SPOCK1: variants seen among roughly 807,000 people sequenced by gnomAD.
SPOCK1 encodes testican-1.
In SPOCK1, 23 loss-of-function variants were observed where a neutral mutation model predicts 55.3. That is an observed-to-expected ratio of 0.42 (90% CI 0.30 to 0.59). The LOEUF is 0.59. Among genes scored for constraint, SPOCK1 ranks in the 20% least tolerant of loss-of-function variants. The pLI, the probability that SPOCK1 is intolerant of heterozygous loss-of-function variation, is 0.22. For missense variants in SPOCK1, 499 were observed against 552.5 expected, an observed-to-expected ratio of 0.90 and a Z score of 0.97; for synonymous variants, 226 against 221.0, an observed-to-expected ratio of 1.02 and a Z score of -0.20.
chr5:137,251,751 G>A (rs897215300), intron 3 of SPOCK1, among the ~76,000 whole-genome samples: 1 of 152,108 alleles, frequency 6.6e-6, no homozygotes, highest in Non-Finnish European at 1.5e-5. Flanking sequence ...TAGATAGACA[G>A]CATAAAAAAA....
At chr5:137,311,689 T>C (rs1050461244) in intron 2 of SPOCK1, among the ~76,000 whole-genome samples, 3 of 152,246 alleles carry the variant, frequency 2.0e-5, no homozygotes, top group African/African-American at 7.2e-5. Context: ...GAAAAATATA[T>C]AAATATGTAA....
Position 137,160,557 on chromosome 5 carries a change from T to TAA in SPOCK1, c.233-19864_233-19863insTT, listed in dbSNP as rs1754515034. Among the ~76,000 whole-genome samples, 6 of 58,304 alleles carry TAA rather than the reference T, an allele frequency of 1.0e-4. 1 individual carries two copies. Among genetic ancestry groups the TAA allele is most frequent in the African/African-American group, 4.8e-4 (6 of 12,468 alleles). The allele number at this position is 58,304 out of a possible 152,430, so 38.2% of individuals were successfully genotyped here. A position where few individuals can be genotyped will look rare whatever the true frequency, so the allele number is the denominator to read the frequency against. Reference sequence around the variant, plus strand: ...AAATATATAATATATATAATATATATTATATATTATATATTATATAATATA... The same window carrying TAA: ...AAATATATAATATATATAATATATATAATATATATTATATATTATATAATATA... On this transcript the variant is annotated intron_variant, in intron 3 of 10. Transcript: ENST00000394945.
chr5:137,445,062 G>C (rs932897616), intron 2 of SPOCK1, among the ~76,000 whole-genome samples: 1 of 152,152 alleles, frequency 6.6e-6, no homozygotes. Flanking sequence ...ACAAATGGTG[G>C]AGAACGAGGC....
chr5:137,110,507 C>T (rs138688051), intron 5 of SPOCK1, among the ~76,000 whole-genome samples: 1 of 152,168 alleles, frequency 6.6e-6, no homozygotes, highest in African/African-American at 2.4e-5. Flanking sequence ...AGAAATGACT[C>T]ATCAGTGTCC....
intron 2 of SPOCK1, among the ~76,000 whole-genome samples, chr5:137,436,995 G>T (rs1054087773): frequency 1.3e-5 from 2 of 152,170 alleles, no homozygotes; most frequent in African/African-American, 2.4e-5. Context: ...AATGAGTGAC[G>T]AATGGGTCCG....
intron 2 of SPOCK1, among the ~76,000 whole-genome samples, chr5:137,360,854 T>G (rs895569319): frequency 1.3e-5 from 2 of 152,226 alleles, no homozygotes; most frequent in African/African-American, 4.8e-5. Context: ...TCAAGTGAAT[T>G]GATGGGTCCC....
At chr5:137,282,831 C>A (rs1261105833) in intron 2 of SPOCK1, among the ~76,000 whole-genome samples, 1 of 152,212 alleles carries the variant, frequency 6.6e-6, no homozygotes, top group African/African-American at 2.4e-5. Flanking sequence ...CCCAGAAATA[C>A]TGCACTAGAC....
intron 2 of SPOCK1, among the ~76,000 whole-genome samples, chr5:137,300,435 T>C (rs1483050770): frequency 1.3e-5 from 2 of 152,220 alleles, no homozygotes; most frequent in Admixed American, 6.5e-5. Flanking sequence ...GCGATTTGTA[T>C]TGTATAGAAC....
At chr5:137,020,913 A>T (rs1393794854) in intron 6 of SPOCK1, among the ~76,000 whole-genome samples, 1 of 152,144 alleles carries the variant, frequency 6.6e-6, no homozygotes, top group Non-Finnish European at 1.5e-5. Context: ...AGTGTTGGTG[A>T]GGATGTGAAA....
intron 6 of SPOCK1, among the ~76,000 whole-genome samples, chr5:137,033,403 T>G (rs1751821763): frequency 6.6e-6 from 1 of 152,230 alleles, no homozygotes; most frequent in African/African-American, 2.4e-5. Context: ...CTATTCCTTT[T>G]TTCCTTTCTA....
At chr5:137,427,561 T>C (rs1197887733) in intron 2 of SPOCK1, among the ~76,000 whole-genome samples, 3 of 152,050 alleles carry the variant, frequency 2.0e-5, no homozygotes, top group Non-Finnish European at 4.4e-5. Context: ...AGAACTATGA[T>C]CTCCCTACTA....
intron 5 of SPOCK1, among the ~76,000 whole-genome samples, chr5:137,093,222 G>T (rs1753079824): frequency 6.6e-6 from 1 of 152,102 alleles, no homozygotes; most frequent in Non-Finnish European, 1.5e-5. Flanking sequence ...TAACCATCAT[G>T]ATCCTGTGCT....
At chr5:137,240,562 A>G (rs1283684719) in intron 3 of SPOCK1, among the ~76,000 whole-genome samples, 1 of 152,158 alleles carries the variant, frequency 6.6e-6, no homozygotes, top group Non-Finnish European at 1.5e-5. Flanking sequence ...GAGGATTACA[A>G]TTCAACATGA....
At chr5:137,382,047 C>T (rs1252379539) in intron 2 of SPOCK1, among the ~76,000 whole-genome samples, 1 of 152,216 alleles carries the variant, frequency 6.6e-6, no homozygotes, top group Non-Finnish European at 1.5e-5. Context: ...CAGGTCACAT[C>T]TTGAATGCTT....
At chr5:137,159,952 A>G (rs1200354419) in intron 3 of SPOCK1, among the ~76,000 whole-genome samples, 1 of 152,156 alleles carries the variant, frequency 6.6e-6, no homozygotes, top group African/African-American at 2.4e-5. Context: ...CTTGGTGAAC[A>G]TAAGGAGGCA....
chr5:137,354,055 G>A (rs1468142970), intron 2 of SPOCK1, among the ~76,000 whole-genome samples: 1 of 152,012 alleles, frequency 6.6e-6, no homozygotes, highest in African/African-American at 2.4e-5. Context: ...TTTCACTCAC[G>A]TTCTGACCCT....
intron 2 of SPOCK1, among the ~76,000 whole-genome samples, chr5:137,387,708 G>A (rs753301734): frequency 1.7e-4 from 26 of 152,324 alleles, no homozygotes; most frequent in South Asian, 6.2e-4. Flanking sequence ...GTCTTTGGAT[G>A]ATAATGATGT....
In SPOCK1 at chr5:137,177,447, T is replaced by C. The variant is rs563742038; in HGVS notation, c.233-36753A>G. 9.2e-5 allele frequency among the ~76,000 whole-genome samples: 14 copies of C among 151,980 alleles called. No individual in the cohort carries two copies. In the East Asian group the frequency reaches 2.5e-3, roughly 27 times the overall value. ...GGTTAAAGAGCTCAGGGAGTCCAGC[T>C]TGGGGACAGAGAAAGTGAGGGCAAG... On this transcript the variant is annotated intron_variant, in intron 3 of 10. Transcript: ENST00000394945.
At chr5:137,098,331 A>G (rs1420134307) in intron 5 of SPOCK1, among the ~76,000 whole-genome samples, 1 of 152,152 alleles carries the variant, frequency 6.6e-6, no homozygotes, top group Non-Finnish European at 1.5e-5. Context: ...CTCTACTTCC[A>G]GCACTCCCCT....
Sources: gnomAD v4.1 joint callset for allele counts (sites outside exome capture counted in the v4.1 genomes callset) on GRCh38, gnomAD v4.1.1 for gene constraint, MANE v1.5 for transcripts, NCBI Gene and HGNC (gene_info 2026-07-23, HGNC 2026-07-21) for gene names.